CNTNAP5: variants seen among roughly 807,000 people sequenced by gnomAD.
CNTNAP5 encodes the protein contactin associated protein family member 5, also known as contactin-associated protein-like 5.
A neutral mutation model predicts 150.2 loss-of-function variants in CNTNAP5; 72 were observed. The ratio of observed to expected loss-of-function variants is 0.48; its 90% confidence interval spans 0.40 to 0.58. The LOEUF (loss-of-function observed/expected upper bound fraction) is 0.58, where lower values mean the gene tolerates loss of function less well. CNTNAP5 is among the 20% of genes least tolerant of loss of function. The probability of loss-of-function intolerance (pLI) is 0.00; values close to 1 mark genes in which losing one functional copy is unlikely to be tolerated. For synonymous variants in CNTNAP5, 672 were observed against 619.8 expected (o/e 1.08, Z -1.25); for missense variants, 1,636 against 1,626.2 (o/e 1.01, Z -0.10).
intron 13 of CNTNAP5, among the ~76,000 whole-genome samples, chr2:124,676,774 T>C (rs370949980): frequency 2.6e-5 from 4 of 152,348 alleles, no homozygotes; most frequent in African/African-American, 9.6e-5. Flanking sequence ...TAATAAGCCT[T>C]GCCATTCTTA....
chr2:124,419,990 T>TTC (rs1553466680), intron 4 of CNTNAP5, among the ~76,000 whole-genome samples: 2 of 121,404 alleles, frequency 1.6e-5, no homozygotes. Context: ...CTTTCTTTCT[T>TTC]TTTTTTTTTT....
intron 17 of CNTNAP5, among the ~76,000 whole-genome samples, chr2:124,789,068 A>G (rs1388419790): frequency 2.6e-5 from 4 of 152,220 alleles, no homozygotes; most frequent in Non-Finnish European, 4.4e-5. Flanking sequence ...GTTTGACTCC[A>G]TGTCTATCTG....
chr2:124,545,677 C>T (rs536154812), intron 10 of CNTNAP5, among the ~76,000 whole-genome samples: 1 of 152,178 alleles, frequency 6.6e-6, no homozygotes, highest in Admixed American at 6.5e-5. Flanking sequence ...ACCCAGTTGG[C>T]TTTGATTTCA....
chr2:124,086,376 T>G (rs1195808056), intron 1 of CNTNAP5, among the ~76,000 whole-genome samples: 1 of 151,300 alleles, frequency 6.6e-6, no homozygotes. Flanking sequence ...GCTAATTTCT[T>G]GTATTTTTAG....
chr2:124,553,249 A>G (rs1030953295), intron 10 of CNTNAP5, among the ~76,000 whole-genome samples: 3 of 152,198 alleles, frequency 2.0e-5, no homozygotes, highest in African/African-American at 7.2e-5. Context: ...CACACCTGCA[A>G]TCCCAGTACT....
intron 10 of CNTNAP5, among the ~76,000 whole-genome samples, chr2:124,547,995 G>A (rs1438114573): frequency 1.3e-5 from 2 of 152,126 alleles, no homozygotes; most frequent in Non-Finnish European, 2.9e-5. Flanking sequence ...TCCTAAAATG[G>A]CTTAAACTGT....
chr2:124,289,362 G>T (rs1338350829), intron 3 of CNTNAP5, among the ~76,000 whole-genome samples: 1 of 152,172 alleles, frequency 6.6e-6, no homozygotes, highest in Non-Finnish European at 1.5e-5. Context: ...ATTTTCAGCT[G>T]TCTAAAGAAA....
At chr2:124,442,526 G>C (rs992476735) in intron 5 of CNTNAP5, among the ~76,000 whole-genome samples, 1 of 152,158 alleles carries the variant, frequency 6.6e-6, no homozygotes, top group African/African-American at 2.4e-5. Context: ...CATAAAGGTA[G>C]AACTGTGCCT....
chr2:124,469,591 T>C (rs1693455401), intron 6 of CNTNAP5, among the ~76,000 whole-genome samples: 1 of 147,862 alleles, frequency 6.8e-6, no homozygotes, highest in Admixed American at 6.8e-5. Flanking sequence ...TTATGTTAAG[T>C]TCAGGGGTAA....
At chr2:124,513,110 C>G (rs1573426604) in intron 8 of CNTNAP5, among the ~76,000 whole-genome samples, 1 of 152,160 alleles carries the variant, frequency 6.6e-6, no homozygotes, top group East Asian at 1.9e-4. Context: ...ATATCACAGT[C>G]TAAGTGTCTT....
At chr2:124,568,662 C>T (rs1207374782) in intron 11 of CNTNAP5, among the ~76,000 whole-genome samples, 4 of 152,154 alleles carry the variant, frequency 2.6e-5, no homozygotes, top group African/African-American at 9.7e-5. Flanking sequence ...TTTTCTTTGT[C>T]TTTCTTATTC....
intron 1 of CNTNAP5, among the ~76,000 whole-genome samples, chr2:124,030,086 A>C (rs1449592780): frequency 6.6e-6 from 1 of 152,114 alleles, no homozygotes; most frequent in Non-Finnish European, 1.5e-5. Context: ...TAGTTACCCC[A>C]ATGATCTTGC....
chr2:124,114,151 A>G (rs564872227), intron 1 of CNTNAP5, among the ~76,000 whole-genome samples: 1 of 152,120 alleles, frequency 6.6e-6, no homozygotes, highest in African/African-American at 2.4e-5. Context: ...TTCTAAACAA[A>G]ATGTATTGCG....
intron 13 of CNTNAP5, among the ~76,000 whole-genome samples, chr2:124,684,882 C>T (rs569139057): frequency 1.3e-5 from 2 of 152,260 alleles, no homozygotes; most frequent in East Asian, 3.9e-4. Flanking sequence ...TCCAAGGTCA[C>T]TGAGCTAGTG....
At chr2:124,490,998 T>C (rs1197724606) in intron 7 of CNTNAP5, among the ~76,000 whole-genome samples, 1 of 152,174 alleles carries the variant, frequency 6.6e-6, no homozygotes, top group Non-Finnish European at 1.5e-5. Flanking sequence ...GATTTCCTTT[T>C]ACTTTTTTAT....
rs375312837 is a variant in CNTNAP5 at position 124,790,153 on chromosome 2, G to A, written c.2992+12G>A. 159 of 1,601,766 alleles carry A rather than the reference G, an allele frequency of 9.9e-5. No homozygotes were observed. The African/African-American group carries it at 1.7e-3, about 17-fold the overall frequency. On this transcript the variant is annotated intron_variant, in intron 18 of 23. Transcript: ENST00000682447. ...CTTTTGCAAAAAAGGTACCTTAGGC[G>A]CTCCTGTTTCTCCTGAGTGCAGTGC...
chr2:124,315,143 T>C (rs1035382836), intron 3 of CNTNAP5, among the ~76,000 whole-genome samples: 3 of 152,090 alleles, frequency 2.0e-5, no homozygotes, highest in African/African-American at 7.2e-5. Context: ...TTTTAACTGT[T>C]GTAGAGACAG....
At chr2:124,727,264 A>G (rs1680177327) in intron 13 of CNTNAP5, among the ~76,000 whole-genome samples, 1 of 151,982 alleles carries the variant, frequency 6.6e-6, no homozygotes, top group Non-Finnish European at 1.5e-5. Context: ...AGGAAGTGTG[A>G]TGTCTCCAGT....
At chr2:124,598,575 C>A (rs1573486363) in intron 11 of CNTNAP5, among the ~76,000 whole-genome samples, 1 of 150,790 alleles carries the variant, frequency 6.6e-6, no homozygotes, top group East Asian at 2.0e-4. Flanking sequence ...TTTAAGTCTG[C>A]AGAGGTTACT....
Sources: allele counts gnomAD v4.1 joint callset (sites outside exome capture counted in the v4.1 genomes callset), GRCh38; gene constraint gnomAD v4.1.1; transcripts MANE v1.5; gene names NCBI Gene and HGNC (gene_info 2026-07-23, HGNC 2026-07-21).